Variants in IFT80 observed in about 807,000 individuals in gnomAD.
The protein encoded by IFT80 is intraflagellar transport 80.
Under a neutral mutation model 107.9 loss-of-function variants are expected in IFT80, and 79 were observed. The observed-to-expected ratio is 0.73, with a 90% confidence interval of 0.61 to 0.88. The LOEUF is 0.88. Ranked by LOEUF, IFT80 falls within the 40% of genes least tolerant of loss-of-function variation. IFT80 has a pLI of 0.00. For synonymous variants in IFT80, 299 were observed against 300.9 expected, an observed-to-expected ratio of 0.99 and a Z score of 0.07; for missense variants, 797 against 914.2, an observed-to-expected ratio of 0.87 and a Z score of 1.65.
In IFT80 at chr3:160,258,452, C is replaced by A; in HGVS notation, c.*73G>T. 1 of 1,596,338 alleles carries A rather than the reference C, an allele frequency of 6.3e-7. No homozygotes were observed. The highest frequency in any genetic ancestry group is 8.6e-7 in the Non-Finnish European group (1 of 1,169,152). On this transcript the variant is annotated 3_prime_UTR_variant, in exon 20 of 20. Transcript: ENST00000326448. ...AAGATTATGCTTTTTTCTTTAGCAA[C>A]CAAAACATGCTTACCCTTGGTTAAT...
rs1408213813 is a variant in IFT80 at position 160,257,203 on chromosome 3, A to G, written c.*1322T>C. On this transcript the variant is annotated 3_prime_UTR_variant, in exon 20 of 20. Coordinates refer to ENST00000326448, the MANE Select transcript of IFT80 (RefSeq NM_020800.3). The stretch of plus-strand genomic sequence containing the variant: ...TCCAATATTCCGGAAAAGAAAAGAA[A>G]CATGTTAAAAAGAAAAGATTTTTAT... 6.6e-6 allele frequency: 1 copy of G among 152,190 alleles called. No individual in the cohort carries two copies. Among genetic ancestry groups the G allele is most frequent in the Non-Finnish European group, 1.5e-5 (1 of 68,034 alleles). 9.4% of individuals were successfully genotyped at this position (152,190 alleles called of 1,614,324 possible).
At chr3:160,346,558 A>G (rs1720310396) in intron 8 of IFT80, among the ~76,000 whole-genome samples, 1 of 152,230 alleles carries the variant, frequency 6.6e-6, no homozygotes, top group East Asian at 1.9e-4. Flanking sequence ...TTAATATCAT[A>G]ATGTGGTAAC....
At position 160,345,693 on chromosome 3, in the gene IFT80, C is replaced by CAA. The variant is rs75389794; in HGVS notation, c.777+10318_777+10319dup. 9.6e-3 allele frequency among the ~76,000 whole-genome samples: 713 copies of CAA among 74,354 alleles called. 13 individuals are homozygous for CAA. The highest frequency in any genetic ancestry group is 0.028 in the African/African-American group (468 of 16,804). The allele number at this position is 74,354 out of a possible 152,430, so 48.8% of individuals were successfully genotyped here. The stretch of plus-strand genomic sequence containing the variant: ...TTGGCGAGAGAGCAAGACTCTGTCT[C>CAA]AAAAAAAAAAAAAAAAAAAAAGAGA... On this transcript the variant is annotated intron_variant, in intron 8 of 19. Coordinates refer to ENST00000326448, the MANE Select transcript of IFT80 (RefSeq NM_020800.3).
intron 13 of IFT80, 51 bp from the exon 14 acceptor site, chr3:160,282,664 A>G: frequency 9.3e-7 from 1 of 1,070,190 alleles, no homozygotes; most frequent in Non-Finnish European, 1.4e-6. Context: ...TGTTTGACAT[A>G]AGATCATTTT....
chr3:160,357,974 T>C (rs975473588), intron 6 of IFT80, among the ~76,000 whole-genome samples: 1 of 152,136 alleles, frequency 6.6e-6, no homozygotes, highest in Non-Finnish European at 1.5e-5. Context: ...CCATTACTGA[T>C]ACTGCCTTCA....
At chr3:160,293,389 T>G (rs1715722613) in intron 12 of IFT80, among the ~76,000 whole-genome samples, 1 of 152,194 alleles carries the variant, frequency 6.6e-6, no homozygotes, top group Non-Finnish European at 1.5e-5. Context: ...TACTTTACAA[T>G]ATGGTATAAC....
intron 18 of IFT80, among the ~76,000 whole-genome samples, chr3:160,269,644 C>G (rs545806845): frequency 1.3e-5 from 2 of 152,298 alleles, no homozygotes; most frequent in South Asian, 4.1e-4. Context: ...GATTAATCCT[C>G]AGTTCCAGGC....
chr3:160,274,679 CTG>C (rs1389529045), intron 18 of IFT80: 1 of 152,202 alleles, frequency 6.6e-6, no homozygotes, highest in East Asian at 1.9e-4. Context: ...GTGGCTACGT[CTG>C]TAATCCCAGT....
At chr3:160,331,172 A>G (rs1719062384) in intron 8 of IFT80, among the ~76,000 whole-genome samples, 1 of 152,134 alleles carries the variant, frequency 6.6e-6, no homozygotes, top group Non-Finnish European at 1.5e-5. Flanking sequence ...GGCCATTATT[A>G]AGAAAAAGGG....
rs116234347 is a variant in IFT80, at chr3:160,347,968, A to T, written c.777+8045T>A. ...ATCTGACATTTGGATATGTATTATCAAAATACCCTTCAAAAAGTCAAATCA... is the reference window on the plus strand; with the variant it reads ...ATCTGACATTTGGATATGTATTATCTAAATACCCTTCAAAAAGTCAAATCA... On this transcript the variant is annotated intron_variant, in intron 8 of 19. Coordinates refer to ENST00000326448, the MANE Select transcript of IFT80 (RefSeq NM_020800.3). Among the ~76,000 whole-genome samples the T allele has an allele frequency of 7.5e-3, 1,135 of 152,320 alleles. 19 individuals carry two copies. The highest frequency in any genetic ancestry group is 0.026 in the African/African-American group (1,087 of 41,572).
At chr3:160,276,927 A>G (rs937892507) in intron 18 of IFT80, among the ~76,000 whole-genome samples, 1 of 152,154 alleles carries the variant, frequency 6.6e-6, no homozygotes, top group Non-Finnish European at 1.5e-5. Flanking sequence ...TCTAGTTCAG[A>G]TATTTCTTAT....
chr3:160,326,985 T>C (rs1401776290), intron 8 of IFT80, among the ~76,000 whole-genome samples: 12 of 152,080 alleles, frequency 7.9e-5, no homozygotes, highest in Admixed American at 7.9e-4. Context: ...AGTCTCAGGA[T>C]ACAAAATCAA....
intron 18 of IFT80, among the ~76,000 whole-genome samples, chr3:160,273,883 C>T (rs536374116): frequency 6.6e-6 from 1 of 152,216 alleles, no homozygotes; most frequent in East Asian, 1.9e-4. Flanking sequence ...CACTGGCTTA[C>T]AATTAGGTAA....
chr3:160,377,382 T>G (rs1184119508), intron 4 of IFT80, 48 bp downstream of exon 4: 1 of 1,118,512 alleles, frequency 8.9e-7, no homozygotes, highest in South Asian at 1.3e-5. Flanking sequence ...CTTTGGAAAT[T>G]TTTCTTTAAA....
At chr3:160,358,448 G>A (rs979930541) in intron 6 of IFT80, among the ~76,000 whole-genome samples, 2 of 152,120 alleles carry the variant, frequency 1.3e-5, no homozygotes, top group African/African-American at 4.8e-5. Context: ...ACTACTCTGA[G>A]AAACTTCTGC....
chr3:160,392,687 C>G (rs1713477723), intron 1 of IFT80, among the ~76,000 whole-genome samples: 1 of 152,216 alleles, frequency 6.6e-6, no homozygotes, highest in African/African-American at 2.4e-5. Context: ...GCCATCTTCT[C>G]TTAACCAGAA....
chr3:160,387,629 C>A (rs1713041702), intron 1 of IFT80, among the ~76,000 whole-genome samples: 1 of 152,146 alleles, frequency 6.6e-6, no homozygotes, highest in South Asian at 2.1e-4. Context: ...ATCAAACATT[C>A]TGTTTTGGAT....
At chr3:160,363,236 C>G (rs930050007) in intron 6 of IFT80, among the ~76,000 whole-genome samples, 1 of 151,954 alleles carries the variant, frequency 6.6e-6, no homozygotes, top group Admixed American at 6.6e-5. Context: ...AAACAGAGAG[C>G]CAAATAATGA....
chr3:160,311,367 A>G (rs1717236146), intron 9 of IFT80, among the ~76,000 whole-genome samples: 1 of 152,242 alleles, frequency 6.6e-6, no homozygotes, highest in Admixed American at 6.5e-5. Flanking sequence ...AAATATATTT[A>G]GAAAATAATT....
Sources: gnomAD v4.1 joint callset for allele counts (sites outside exome capture counted in the v4.1 genomes callset) on GRCh38, gnomAD v4.1.1 for gene constraint, MANE v1.5 for transcripts, NCBI Gene and HGNC (gene_info 2026-07-23, HGNC 2026-07-21) for gene names.